Variants in LINS1 observed in about 807,000 individuals in gnomAD.
LINS1 encodes lines homolog 1, also known as protein Lines homolog 1.
Under a neutral mutation model 41.6 loss-of-function variants are expected in LINS1, and 27 were observed. The ratio of observed to expected loss-of-function variants is 0.65; its 90% CI spans 0.48 to 0.89. The LOEUF is 0.89. Ranked by LOEUF, LINS1 falls within the 40% of genes least tolerant of loss-of-function variation. The pLI, the probability that LINS1 is intolerant of heterozygous loss-of-function variation, is 0.00. For synonymous variants in LINS1, 336 were observed against 312.9 expected, an observed-to-expected ratio of 1.07 and a Z score of -0.78; for missense variants, 955 against 884.1, an observed-to-expected ratio of 1.08 and a Z score of -1.02.
In LINS1 at chr15:100,569,263, C is replaced by G. The variant is rs2037664842; in HGVS notation, c.2249G>C (p.Ser750Thr). ...TTACAAAGTGTTCATAGTTTTATTA[C>G]TTATCACCTCTATGTATTTTAACAA... ...LKLLKYIEVI[S>T]NKTMNTL The change falls in exon 7 of 7, where the codon AGT (serine) becomes ACT (threonine). Residue 750 changes from serine (S) to threonine (T), a missense_variant. By Grantham distance (58) the Ser-to-Thr change is moderately conservative (BLOSUM62 1). Transcript: ENST00000314742. 6.2e-7 allele frequency: 1 copy of G among 1,600,036 alleles called. No homozygotes were observed. Among genetic ancestry groups the G allele is most frequent in the Non-Finnish European group, 8.6e-7 (1 of 1,167,744 alleles).
At chr15:100,595,670 T>C (rs1328443909) in intron 1 of LINS1, among the ~76,000 whole-genome samples, 2 of 152,202 alleles carry the variant, frequency 1.3e-5, no homozygotes. Context: ...TCATGGTCAA[T>C]ATTAGAAGTA....
Position 100,569,950 on chromosome 15 carries a change from A to C in LINS1, c.1562T>G (p.Leu521Arg). The C allele has an allele frequency of 6.3e-7, 1 of 1,589,920 alleles. No homozygotes were observed. Among genetic ancestry groups the C allele is most frequent in the Non-Finnish European group, 8.6e-7 (1 of 1,166,598 alleles). The change falls in exon 7 of 7, where the codon CTT (leucine) becomes CGT (arginine). Residue 521 changes from leucine (L) to arginine (R), a missense_variant. Transcript: ENST00000314742. ...TTTTAAATATCTAACAAAATATTCA[A>C]GAAAACAGGTTTCTGATGAAATCAA... ...DFLISSETCF[L>R]EYFVRYLKLL...
In LINS1 at chr15:100,579,196, TAA is replaced by T. The variant is rs1320563665; in HGVS notation, c.489+1065_489+1066del. On this transcript the variant is annotated intron_variant, in intron 3 of 6. Coordinates refer to ENST00000314742, the MANE Select transcript of LINS1 (RefSeq NM_001040616.3). ...TAATAAAAATATATATATAAAAAAA[TAA>T]AAAACTAAAAATAAAAATGAGCCAG... Among the ~76,000 whole-genome samples the T allele has an allele frequency of 2.3e-4, 34 of 148,258 alleles. No homozygotes were observed. In the Admixed American group the frequency reaches 2.3e-3, roughly 10 times the overall value.
chr15:100,570,266 T>G, intron 6 of LINS1, 149 bp from the exon 7 acceptor site: 3 of 583,760 alleles, frequency 5.1e-6, no homozygotes, highest in East Asian at 3.1e-5. Flanking sequence ...TCAAAACCCA[T>G]TCCCTTCCCC....
intron 3 of LINS1, among the ~76,000 whole-genome samples, chr15:100,576,957 C>T (rs891880989): frequency 2.6e-5 from 4 of 152,174 alleles, no homozygotes; most frequent in South Asian, 2.1e-4. Context: ...CAGAAAAGGC[C>T]TTTGACAAAA....
At chr15:100,601,477 T>C (rs2039490717) in intron 1 of LINS1, among the ~76,000 whole-genome samples, 1 of 152,180 alleles carries the variant, frequency 6.6e-6, no homozygotes, top group African/African-American at 2.4e-5. Flanking sequence ...TTAAAGACTC[T>C]ACCTCTCAGT....
chr15:100,593,518 C>T (rs1162854656), intron 1 of LINS1, among the ~76,000 whole-genome samples: 1 of 142,112 alleles, frequency 7.0e-6, no homozygotes, highest in Non-Finnish European at 1.5e-5. Flanking sequence ...TGAGTACCTA[C>T]TATGTACCAG....
At chr15:100,592,762 C>A (rs1263933772) in intron 1 of LINS1, among the ~76,000 whole-genome samples, 3 of 152,046 alleles carry the variant, frequency 2.0e-5, no homozygotes, top group Admixed American at 1.3e-4. Flanking sequence ...AGATGGAAAT[C>A]AAAAAATATT....
At chr15:100,591,794 C>T (rs2039050402) in intron 1 of LINS1, among the ~76,000 whole-genome samples, 1 of 152,132 alleles carries the variant, frequency 6.6e-6, no homozygotes, top group African/African-American at 2.4e-5. Context: ...CTCCACTAGA[C>T]AGAGAGGGGC....
intron 1 of LINS1, among the ~76,000 whole-genome samples, chr15:100,584,901 T>G (rs1349085841): frequency 2.0e-5 from 3 of 152,228 alleles, no homozygotes. Flanking sequence ...ATTAATATGT[T>G]ACAGCAGCTC....
At position 100,573,686 on chromosome 15, in the gene LINS1, T is replaced by G. The variant is rs748214045; in HGVS notation, c.1187A>C (p.Lys396Thr). The change falls in exon 5 of 7, where the codon AAG (lysine) becomes ACG (threonine). Residue 396 changes from lysine (K) to threonine (T), a missense_variant. Lys to Thr is a moderately conservative substitution (Grantham distance 78). Coordinates refer to ENST00000314742, the MANE Select transcript of LINS1 (RefSeq NM_001040616.3). ...SLVIMKSLEI[K>T]FQNYSSASEV... ...ACTTGCTGAAGAATAATTTTGAAAC[T>G]TGATTTCTAAGGATTTCATTATAAC... 1 of 1,610,216 alleles carries G rather than the reference T, an allele frequency of 6.2e-7. No individual in the cohort carries two copies.
At chr15:100,583,319 G>C (rs896991974) in intron 1 of LINS1, among the ~76,000 whole-genome samples, 5 of 152,338 alleles carry the variant, frequency 3.3e-5, no homozygotes, top group African/African-American at 1.2e-4. Flanking sequence ...TTAATGGCTG[G>C]CTTCTTCCCC....
At chr15:100,594,801 A>C (rs2039177688) in intron 1 of LINS1, among the ~76,000 whole-genome samples, 1 of 152,080 alleles carries the variant, frequency 6.6e-6, no homozygotes, top group Non-Finnish European at 1.5e-5. Flanking sequence ...ATTTTTCCCC[A>C]ATTCCCTAAA....
In LINS1 at chr15:100,569,122, CAAAAAAAA is replaced by C; in HGVS notation, c.*108_*115del. 1 of 475,980 alleles carries C rather than the reference CAAAAAAAA, an allele frequency of 2.1e-6. No homozygotes were observed. The highest frequency in any genetic ancestry group is 3.5e-6 in the Non-Finnish European group (1 of 284,466). 29.5% of individuals were successfully genotyped at this position (475,980 alleles called of 1,614,324 possible). On this transcript the variant is annotated 3_prime_UTR_variant, in exon 7 of 7. Coordinates refer to ENST00000314742, the MANE Select transcript of LINS1 (RefSeq NM_001040616.3). ...TGAGCGACAGAATGAGATTCTGTCT[CAAAAAAAA>C]AAAAAAAAAAGAAAACCCTTTTATG...
At position 100,573,980 on chromosome 15, in the gene LINS1, T is replaced by C; in HGVS notation, c.893A>G (p.Lys298Arg). The change falls in exon 5 of 7, where the codon AAG becomes AGG. Residue 298 changes from lysine (K) to arginine (R), a missense_variant. By Grantham distance (26) the Lys-to-Arg change is conservative (BLOSUM62 2). Coordinates refer to ENST00000314742, the MANE Select transcript of LINS1 (RefSeq NM_001040616.3). ...GCACTTTTTGAGGAATATGATGACC[T>C]TCCTTTTAACAAAAGCCTGAATAGG... ...TWPIQAFVKR[K>R]VIIFLKKCLL... The C allele has an allele frequency of 1.2e-6, 2 of 1,614,216 alleles. No individual in the cohort carries two copies. The highest frequency in any genetic ancestry group is 1.1e-5 in the South Asian group (1 of 91,088).
chr15:100,575,345 G>A (rs538261204), intron 3 of LINS1, among the ~76,000 whole-genome samples: 43 of 151,664 alleles, frequency 2.8e-4, no homozygotes, highest in Admixed American at 9.2e-4. Context: ...CAAGCAAATG[G>A]AAAACAAAAA....
intron 3 of LINS1, among the ~76,000 whole-genome samples, chr15:100,578,411 G>C (rs2038320821): frequency 6.6e-6 from 1 of 151,870 alleles, no homozygotes; most frequent in African/African-American, 2.4e-5. Context: ...GCAGCCAACA[G>C]ACACATGAAA....
chr15:100,571,485 C>T (rs1039070445), intron 6 of LINS1, among the ~76,000 whole-genome samples: 1 of 152,182 alleles, frequency 6.6e-6, no homozygotes, highest in Non-Finnish European at 1.5e-5. Flanking sequence ...AACGAAAATT[C>T]AGAACAGCTT....
chr15:100,577,196 G>T (rs1159093896), intron 3 of LINS1, among the ~76,000 whole-genome samples: 1 of 152,194 alleles, frequency 6.6e-6, no homozygotes, highest in African/African-American at 2.4e-5. Context: ...GCAGGAGAAA[G>T]AAACAAAGGG....
Sources: gnomAD v4.1 joint callset for allele counts (sites outside exome capture counted in the v4.1 genomes callset) on GRCh38, gnomAD v4.1.1 for gene constraint, MANE v1.5 for transcripts, NCBI Gene and HGNC (gene_info 2026-07-23, HGNC 2026-07-21) for gene names.